MVB12B: variants seen among roughly 807,000 people sequenced by gnomAD.
The protein encoded by MVB12B is ESCRT-I complex subunit MVB12B.
Under a neutral mutation model 41.6 loss-of-function variants are expected in MVB12B, and 16 were observed. That is an observed-to-expected ratio of 0.38 (90% confidence interval 0.26 to 0.58). MVB12B has a LOEUF of 0.58. Among genes scored for constraint, MVB12B ranks in the 20% least tolerant of loss-of-function variants. The probability of loss-of-function intolerance (pLI) is 0.62; values close to 1 mark genes in which losing one functional copy is unlikely to be tolerated. For synonymous variants in MVB12B, 133 were observed against 139.7 expected (o/e 0.95, Z 0.34); for missense variants, 274 against 380.2 (o/e 0.72, Z 2.32).
intron 7 of MVB12B, among the ~76,000 whole-genome samples, chr9:126,464,846 T>C (rs905616948): frequency 6.6e-6 from 1 of 152,212 alleles, no homozygotes; most frequent in Non-Finnish European, 1.5e-5. Context: ...CCTTCCCTTC[T>C]GGGCTTCAGA....
At position 126,326,905 on chromosome 9, in the gene MVB12B, C is replaced by T; in HGVS notation, c.-25C>T. The T allele has an allele frequency of 4.3e-6, 1 of 234,222 alleles. No individual in the cohort carries two copies. Among genetic ancestry groups the T allele is most frequent in the Non-Finnish European group, 8.5e-6 (1 of 117,270 alleles). 14.5% of individuals were successfully genotyped at this position (234,222 alleles called of 1,614,324 possible). ...GCTCCTGCCGCCTGGGCCCCGGGCC[C>T]GGCCCCTCCCGCGCCGCCCGGGCGA... On this transcript the variant is annotated 5_prime_UTR_variant, in exon 1 of 10. Coordinates refer to ENST00000361171, the MANE Select transcript of MVB12B (RefSeq NM_033446.3).
chr9:126,346,833 G>A (rs1445994318), intron 2 of MVB12B, among the ~76,000 whole-genome samples: 1 of 152,234 alleles, frequency 6.6e-6, no homozygotes, highest in Non-Finnish European at 1.5e-5. Flanking sequence ...GGTGAGTAAT[G>A]TTCAAAGTTG....
intron 6 of MVB12B, among the ~76,000 whole-genome samples, chr9:126,400,992 C>T (rs531026182): frequency 1.3e-5 from 2 of 152,260 alleles, no homozygotes; most frequent in African/African-American, 2.4e-5. Flanking sequence ...GGGGGCTCTC[C>T]TAGAAAATCT....
intron 7 of MVB12B, chr9:126,448,437 G>A (rs1460826377): frequency 6.6e-6 from 1 of 152,236 alleles, no homozygotes; most frequent in Non-Finnish European, 1.5e-5. Flanking sequence ...GGTTCACCAT[G>A]AAAGACCAGT....
chr9:126,464,651 G>A (rs967452049), intron 7 of MVB12B, among the ~76,000 whole-genome samples: 2 of 152,222 alleles, frequency 1.3e-5, no homozygotes, highest in African/African-American at 4.8e-5. Context: ...ACTCTGTGTG[G>A]AGCTTGCCTT....
rs1830074839 is a variant in MVB12B, at chr9:126,363,303, A to AT, written c.205-17759dup. On this transcript the variant is annotated intron_variant, in intron 2 of 9. Coordinates refer to ENST00000361171, the MANE Select transcript of MVB12B (RefSeq NM_033446.3). ...TCCTGGCTGTTCCATGACCCTTTAG[A>AT]TTATGGTTTAGGATGACAAATTTAT... 8.5e-5 allele frequency among the ~76,000 whole-genome samples: 13 copies of AT among 152,132 alleles called. No individual in the cohort carries two copies. The South Asian group carries it at 2.7e-3, about 32-fold the overall frequency.
intron 7 of MVB12B, among the ~76,000 whole-genome samples, chr9:126,424,726 A>C (rs1389595434): frequency 1.3e-5 from 2 of 152,240 alleles, no homozygotes; most frequent in African/African-American, 4.8e-5. Flanking sequence ...GAGGAGCTCT[A>C]ACTCAGTGCT....
chr9:126,416,430 G>GCA (rs1252421378), intron 6 of MVB12B, among the ~76,000 whole-genome samples: 2 of 152,254 alleles, frequency 1.3e-5, no homozygotes, highest in South Asian at 4.1e-4. Flanking sequence ...TGCCTCCCTG[G>GCA]GTGTGCGATC....
In MVB12B at chr9:126,459,699, T is replaced by G. The variant is rs922217743; in HGVS notation, c.758-21670T>G. ...AGCAGAAGGATGCCTCTTCTGGATG[T>G]GGGGCAGCTTGGAGTGCGCAGTTGT... is the stretch of plus-strand genomic sequence containing the variant. On this transcript the variant is annotated intron_variant, in intron 7 of 9. Coordinates refer to ENST00000361171, the MANE Select transcript of MVB12B (RefSeq NM_033446.3). This position sits in a 1 kb window ranked among gnomAD's most constrained non-coding sequence, Gnocchi z 4.3. 6.6e-6 allele frequency among the ~76,000 whole-genome samples: 1 copy of G among 152,146 alleles called. No individual in the cohort carries two copies. The highest frequency in any genetic ancestry group is 2.4e-5 in the African/African-American group (1 of 41,424).
Position 126,468,708 on chromosome 9 carries a change from T to A in MVB12B, c.758-12661T>A, listed in dbSNP as rs1341302534. ...TCCAGCCTCACTCCCTGTAATTCAT[T>A]CTCCTCTCCATAGCCAGGGAGACGC... On this transcript the variant is annotated intron_variant, in intron 7 of 9. Transcript: ENST00000361171. The surrounding 1 kb of genome is among the most constrained non-coding windows in gnomAD (Gnocchi z 4.3). Among the ~76,000 whole-genome samples, 2 of 152,134 alleles carry A rather than the reference T, an allele frequency of 1.3e-5. No individual in the cohort carries two copies. Among genetic ancestry groups the A allele is most frequent in the African/African-American group, 4.8e-5 (2 of 41,426 alleles).
rs1226095209 is a variant in MVB12B at position 126,395,669 on chromosome 9, G to A, written c.634G>A (p.Ala212Thr). The A allele has an allele frequency of 6.2e-7, 1 of 1,614,084 alleles. No individual in the cohort carries two copies. The highest frequency in any genetic ancestry group is 8.5e-7 in the Non-Finnish European group (1 of 1,180,006). ...CACAACGCCTTCCCAGTCATCAGCT[G>A]CCTCCACCCCAGCCCCCAACCTTCC... Reference protein sequence around the residue: ...QPTTPSQSSAASTPAPNLPRH... With the variant: ...QPTTPSQSSATSTPAPNLPRH... The change falls in exon 6 of 10, where the codon GCC becomes ACC. Residue 212 changes from alanine to threonine, a missense_variant. Physicochemically the swap from Ala to Thr is moderately conservative, Grantham distance 58. Coordinates refer to ENST00000361171, the MANE Select transcript of MVB12B (RefSeq NM_033446.3). The surrounding 1 kb of genome is among the most constrained non-coding windows in gnomAD (Gnocchi z 4.9).
intron 7 of MVB12B, among the ~76,000 whole-genome samples, chr9:126,435,128 G>C (rs1482771747): frequency 2.6e-5 from 4 of 151,714 alleles, no homozygotes; most frequent in Admixed American, 2.0e-4. Context: ...CTGAATTTGA[G>C]GATTAAAGAT....
intron 7 of MVB12B, among the ~76,000 whole-genome samples, chr9:126,442,802 G>A (rs1832672172): frequency 6.6e-6 from 1 of 152,156 alleles, no homozygotes; most frequent in African/African-American, 2.4e-5. Flanking sequence ...ACATGAGTTG[G>A]GCAGAAGTGT....
chr9:126,345,035 G>T (rs940615083), intron 2 of MVB12B, among the ~76,000 whole-genome samples: 1 of 152,216 alleles, frequency 6.6e-6, no homozygotes, highest in Non-Finnish European at 1.5e-5. Flanking sequence ...ATAGCATATG[G>T]CTTCCCATAG....
At position 126,487,736 on chromosome 9, in the gene MVB12B, C is replaced by T. The variant is rs138868494; in HGVS notation, c.873+3704C>T. On this transcript the variant is annotated intron_variant, in intron 9 of 9. Coordinates refer to ENST00000361171, the MANE Select transcript of MVB12B (RefSeq NM_033446.3). ...GAGCCGAGATTGCACCATTGCATTC[C>T]GGCCTGGGCCACAGGGCGAGACTCC... Among the ~76,000 whole-genome samples the T allele has an allele frequency of 7.7e-4, 113 of 147,012 alleles. 1 individual carries two copies. The East Asian group carries it at 0.011, about 15-fold the overall frequency.
At position 126,394,600 on chromosome 9, in the gene MVB12B, T is replaced by C. The variant is rs116107505; in HGVS notation, c.540-975T>C. ...CTTTGCAAGGGTTTGGGATTGTCAGTTGGGGAAGATAGAAACCTCACATTG... is the reference window on the plus strand; with the variant it reads ...CTTTGCAAGGGTTTGGGATTGTCAGCTGGGGAAGATAGAAACCTCACATTG... On this transcript the variant is annotated intron_variant, in intron 5 of 9. Coordinates refer to ENST00000361171, the MANE Select transcript of MVB12B (RefSeq NM_033446.3). Among the ~76,000 whole-genome samples, 883 of 152,254 alleles carry C rather than the reference T, an allele frequency of 5.8e-3. 16 individuals are homozygous for C. The highest frequency in any genetic ancestry group is 0.02 in the African/African-American group (846 of 41,524).
At chr9:126,375,625 C>T (rs1164771865) in intron 2 of MVB12B, among the ~76,000 whole-genome samples, 1 of 152,026 alleles carries the variant, frequency 6.6e-6, no homozygotes, top group African/African-American at 2.4e-5. Flanking sequence ...ATGGTTTCCC[C>T]TTTATTGATT....
rs1212786520 is a variant in MVB12B, at chr9:126,506,283, C to A, written c.*3020C>A. 1 of 152,684 alleles carries A rather than the reference C, an allele frequency of 6.5e-6. No homozygotes were observed. The highest frequency in any genetic ancestry group is 1.5e-5 in the Non-Finnish European group (1 of 68,074). The allele number at this position is 152,684 out of a possible 1,614,324, so 9.5% of individuals were successfully genotyped here. Reference sequence around the variant, plus strand: ...GGCCAGGCTCTCTAAGCACATTTCTCCTTTCATTCCCCCTAAAAACAGAGT... The same window carrying A: ...GGCCAGGCTCTCTAAGCACATTTCTACTTTCATTCCCCCTAAAAACAGAGT... On this transcript the variant is annotated 3_prime_UTR_variant, in exon 10 of 10. Transcript: ENST00000361171.
intron 7 of MVB12B, among the ~76,000 whole-genome samples, chr9:126,460,347 G>A (rs10987288): frequency 6.6e-6 from 1 of 151,874 alleles, no homozygotes; most frequent in African/African-American, 2.4e-5. Context: ...AACATAAGTC[G>A]CCAAACTAAA....
Sources: allele counts gnomAD v4.1 joint callset (sites outside exome capture counted in the v4.1 genomes callset), GRCh38; gene constraint gnomAD v4.1.1; non-coding constraint Gnocchi (gnomAD v3.1); transcripts MANE v1.5; gene names NCBI Gene and HGNC (gene_info 2026-07-23, HGNC 2026-07-21).